MGAT4C: variants seen among roughly 807,000 people sequenced by gnomAD.
MGAT4C encodes alpha-1,3-mannosyl-glycoprotein 4-beta-N-acetylglucosaminyltransferase C.
MGAT4C carries 19 observed loss-of-function variants against 40.1 expected under a neutral mutation model. The ratio of observed to expected loss-of-function variants is 0.47; its 90% CI spans 0.33 to 0.70. The LOEUF is 0.70. Ranked by LOEUF, MGAT4C falls within the 30% of genes least tolerant of loss-of-function variation. The probability of loss-of-function intolerance (pLI) is 0.02; values close to 1 mark genes in which losing one functional copy is unlikely to be tolerated. For missense variants in MGAT4C, 491 were observed against 563.2 expected (o/e 0.87, Z 1.30); for synonymous variants, 181 against 187.1 (o/e 0.97, Z 0.27).
chr12:86,481,403 T>G (rs1957934870), intron 2 of MGAT4C, among the ~76,000 whole-genome samples: 1 of 152,110 alleles, frequency 6.6e-6, no homozygotes, highest in East Asian at 1.9e-4. Flanking sequence ...TGACACAACC[T>G]TCTGGAGTTT....
intron 1 of MGAT4C, among the ~76,000 whole-genome samples, chr12:86,116,310 G>A (rs181367908): frequency 2.0e-5 from 3 of 151,990 alleles, no homozygotes; most frequent in East Asian, 1.9e-4. Flanking sequence ...AAGTATAGGC[G>A]AAAGTATTAT....
chr12:86,147,714 T>C (rs966823305), intron 1 of MGAT4C, among the ~76,000 whole-genome samples: 2 of 152,302 alleles, frequency 1.3e-5, no homozygotes, highest in Admixed American at 6.5e-5. Context: ...GATGGATTAC[T>C]AGAGAGGAGG....
chr12:86,608,165 C>A (rs60935294), intron 2 of MGAT4C, among the ~76,000 whole-genome samples: 7,107 of 151,952 alleles, frequency 0.047, 540 homozygotes, highest in African/African-American at 0.16. Flanking sequence ...ATAAGAAAGA[C>A]AAATATATAA....
intron 2 of MGAT4C, among the ~76,000 whole-genome samples, chr12:86,459,493 C>T (rs1449091130): frequency 6.6e-6 from 1 of 151,950 alleles, no homozygotes; most frequent in Non-Finnish European, 1.5e-5. Context: ...AGCTGAGAAT[C>T]GTTACTCACC....
chr12:86,180,790 C>T (rs978116011), intron 1 of MGAT4C, among the ~76,000 whole-genome samples: 1 of 152,166 alleles, frequency 6.6e-6, no homozygotes, highest in Non-Finnish European at 1.5e-5. Context: ...TATTCAGGCT[C>T]ATAGGCAGAA....
At chr12:86,065,938 A>T (rs921586098) in intron 1 of MGAT4C, among the ~76,000 whole-genome samples, 1 of 152,238 alleles carries the variant, frequency 6.6e-6, no homozygotes, top group African/African-American at 2.4e-5. Flanking sequence ...GAGCCAAATC[A>T]TGAGTGAACT....
chr12:86,815,787 T>C (rs1952591673), intron 1 of MGAT4C, among the ~76,000 whole-genome samples: 1 of 145,740 alleles, frequency 6.9e-6, no homozygotes, highest in Non-Finnish European at 1.5e-5. Flanking sequence ...ATGTTCTCAC[T>C]GACATGTGAA....
At chr12:86,490,297 C>A (rs1057394983) in intron 2 of MGAT4C, among the ~76,000 whole-genome samples, 13 of 151,988 alleles carry the variant, frequency 8.6e-5, no homozygotes, top group African/African-American at 3.1e-4. Context: ...GAATTTTCAA[C>A]CCAGAATTTC....
chr12:86,192,874 A>G (rs1053549095), intron 1 of MGAT4C, among the ~76,000 whole-genome samples: 7 of 152,178 alleles, frequency 4.6e-5, no homozygotes, highest in African/African-American at 1.7e-4. Flanking sequence ...GGTATGTTCA[A>G]ACTTAGCATT....
chr12:86,046,721 A>G (rs902418036), intron 2 of MGAT4C, among the ~76,000 whole-genome samples: 6 of 152,184 alleles, frequency 3.9e-5, no homozygotes, highest in Non-Finnish European at 7.3e-5. Flanking sequence ...TATTTCCACA[A>G]TGATACTAAG....
intron 2 of MGAT4C, among the ~76,000 whole-genome samples, chr12:86,633,863 C>A (rs1963136221): frequency 6.6e-6 from 1 of 151,870 alleles, no homozygotes; most frequent in Non-Finnish European, 1.5e-5. Context: ...CATTAAGTTG[C>A]CTCCTCCATA....
chr12:86,334,610 A>G (rs879814119), intron 3 of MGAT4C, among the ~76,000 whole-genome samples: 2 of 152,154 alleles, frequency 1.3e-5, no homozygotes, highest in Non-Finnish European at 2.9e-5. Flanking sequence ...ATATCCAATG[A>G]CACTTTGGGG....
At chr12:86,774,282 T>TCTTTCTTTCTTTCTTC (rs1326093878) in intron 1 of MGAT4C, among the ~76,000 whole-genome samples, 8 of 5,130 alleles carry the variant, frequency 1.6e-3, no homozygotes, top group African/African-American at 4.3e-3. Flanking sequence ...TAAGGCTTGC[T>TCTTTCTTTCTTTCTTC]CTTTCTTTCT....
intron 1 of MGAT4C, among the ~76,000 whole-genome samples, chr12:86,754,373 G>C (rs1951268201): frequency 6.6e-6 from 1 of 152,056 alleles, no homozygotes; most frequent in Non-Finnish European, 1.5e-5. Context: ...ATTACAAATG[G>C]GGTGAGATGC....
intron 1 of MGAT4C, among the ~76,000 whole-genome samples, chr12:86,744,133 A>G (rs967002124): frequency 2.4e-4 from 36 of 151,558 alleles, no homozygotes; most frequent in African/African-American, 8.7e-4. Context: ...TGCAACTACA[A>G]GAGAGTACTG....
chr12:86,681,155 C>T (rs936107938), intron 2 of MGAT4C, among the ~76,000 whole-genome samples: 1 of 151,664 alleles, frequency 6.6e-6, no homozygotes, highest in South Asian at 2.1e-4. Flanking sequence ...ATTTATTATC[C>T]ATGTAATCCT....
intron 2 of MGAT4C, among the ~76,000 whole-genome samples, chr12:86,532,667 C>A (rs1354205874): frequency 2.0e-5 from 3 of 151,960 alleles, no homozygotes; most frequent in Non-Finnish European, 2.9e-5. Flanking sequence ...TTAGAAACAA[C>A]CTATTAAATA....
chr12:86,608,718 A>G (rs1962137290), intron 2 of MGAT4C, among the ~76,000 whole-genome samples: 2 of 152,102 alleles, frequency 1.3e-5, no homozygotes, highest in East Asian at 3.9e-4. Context: ...AAAAAAAAAA[A>G]ATAACCAACT....
chr12:86,022,904 A>G (rs922630564), intron 2 of MGAT4C, among the ~76,000 whole-genome samples: 1 of 152,180 alleles, frequency 6.6e-6, no homozygotes, highest in African/African-American at 2.4e-5. Context: ...AATATTACAT[A>G]GAGGAGATGA....
Sources: allele counts gnomAD v4.1 joint callset (sites outside exome capture counted in the v4.1 genomes callset), GRCh38; gene constraint gnomAD v4.1.1; transcripts MANE v1.5; gene names NCBI Gene and HGNC (gene_info 2026-07-23, HGNC 2026-07-21).